The following RIMS4 variants were observed in gnomAD, a reference collection of about 807,000 sequenced individuals.
The protein encoded by RIMS4 is regulating synaptic membrane exocytosis protein 4.
RIMS4 carries 9 observed loss-of-function variants against 29.0 expected under a neutral mutation model. The observed-to-expected ratio is 0.31, with a 90% confidence interval of 0.19 to 0.54. The LOEUF is 0.54. RIMS4 is among the 20% of genes least tolerant of loss of function. RIMS4 has a pLI of 0.94. For synonymous variants in RIMS4, 130 were observed against 152.9 expected, an observed-to-expected ratio of 0.85 and a Z score of 1.10; for missense variants, 193 against 365.7, an observed-to-expected ratio of 0.53 and a Z score of 3.85.
At chr20:44,757,912 T>C in intron 3 of RIMS4, 141 bp from the exon 4 acceptor site, 1 of 947,998 alleles carries the variant, frequency 1.1e-6, no homozygotes, top group Non-Finnish European at 1.6e-6. Context: ...TCCCACCAAG[T>C]GCCTAGGCTC....
intron 2 of RIMS4, among the ~76,000 whole-genome samples, chr20:44,764,169 TCCATCCATCCATCCATCCA>T (rs2066101273): frequency 4.5e-4 from 2 of 4,412 alleles, no homozygotes; most frequent in South Asian, 8.2e-3. Context: ...CATCCATCCA[TCCATCCATCCATCCATCCA>T]TTTATCCATC....
chr20:44,796,621 C>T (rs1291291265), intron 1 of RIMS4, among the ~76,000 whole-genome samples: 1 of 152,196 alleles, frequency 6.6e-6, no homozygotes, highest in Non-Finnish European at 1.5e-5. Context: ...ACCACAGGGG[C>T]TCCCAGGAAT....
At chr20:44,772,873 G>A (rs921829197) in intron 1 of RIMS4, among the ~76,000 whole-genome samples, 3 of 152,078 alleles carry the variant, frequency 2.0e-5, no homozygotes, top group African/African-American at 4.8e-5. Context: ...AGCTCCCGCC[G>A]GCCTTCTCCT....
chr20:44,756,028 G>C lies in RIMS4; in HGVS notation c.*106C>G, dbSNP rs1006664654. On this transcript the variant is annotated 3_prime_UTR_variant, in exon 6 of 6. Transcript: ENST00000372851. This position sits in a 1 kb window ranked among gnomAD's most constrained non-coding sequence, Gnocchi z 5.9. ...TCTCCCCGTTCTGCTTCCCCACTGT[G>C]GGGGAGAGCCCCGTCCTCCTGTTCA... 5 of 903,880 alleles carry C rather than the reference G, an allele frequency of 5.5e-6. No individual in the cohort carries two copies. The highest frequency in any genetic ancestry group is 5.0e-5 in the African/African-American group (3 of 59,972). 56.0% of individuals were successfully genotyped at this position (903,880 alleles called of 1,614,324 possible).
intron 1 of RIMS4, among the ~76,000 whole-genome samples, chr20:44,802,168 GC>G: frequency 6.6e-6 from 1 of 152,298 alleles, no homozygotes; most frequent in East Asian, 1.9e-4. Context: ...GACAACTGCA[GC>G]TGCTACCAAT....
chr20:44,798,496 T>A (rs1207855897), intron 1 of RIMS4, among the ~76,000 whole-genome samples: 2 of 152,110 alleles, frequency 1.3e-5, no homozygotes, highest in Non-Finnish European at 2.9e-5. Context: ...CTCTCCCCAC[T>A]CTGTAGTCAG....
At chr20:44,770,208 G>A (rs1385437868) in intron 2 of RIMS4, among the ~76,000 whole-genome samples, 1 of 152,138 alleles carries the variant, frequency 6.6e-6, no homozygotes, top group Non-Finnish European at 1.5e-5. Context: ...GCAGTGCTGG[G>A]AAATAACCCC....
chr20:44,773,456 T>C (rs928414411), intron 1 of RIMS4, among the ~76,000 whole-genome samples: 2 of 151,968 alleles, frequency 1.3e-5, no homozygotes, highest in African/African-American at 4.8e-5. Flanking sequence ...CACAGCACTG[T>C]ACATATGTCC....
chr20:44,769,017 T>C (rs1337475852), intron 2 of RIMS4, among the ~76,000 whole-genome samples: 3 of 152,312 alleles, frequency 2.0e-5, no homozygotes, highest in South Asian at 2.1e-4. Context: ...CCCCTTTCTA[T>C]AGATGAAGAA....
At chr20:44,761,892 GACTGAAAGGTA>G (rs1167646891) in intron 2 of RIMS4, among the ~76,000 whole-genome samples, 1 of 152,184 alleles carries the variant, frequency 6.6e-6, no homozygotes, top group Non-Finnish European at 1.5e-5. Context: ...AGTGTCTGGG[GACTGAAAGGTA>G]TACCCACTAT....
chr20:44,797,322 AAC>A (rs1265865340), intron 1 of RIMS4, among the ~76,000 whole-genome samples: 1 of 152,220 alleles, frequency 6.6e-6, no homozygotes, highest in Non-Finnish European at 1.5e-5. Flanking sequence ...GAGCAGTTAC[AAC>A]AGAGACTGTA....
intron 1 of RIMS4, among the ~76,000 whole-genome samples, chr20:44,799,648 G>T (rs1175554408): frequency 6.6e-6 from 1 of 152,178 alleles, no homozygotes; most frequent in Non-Finnish European, 1.5e-5. Context: ...TCCAGGTGGC[G>T]TTCACTAGGG....
chr20:44,777,923 C>G (rs1327201139), intron 1 of RIMS4, among the ~76,000 whole-genome samples: 1 of 152,178 alleles, frequency 6.6e-6, no homozygotes, highest in Non-Finnish European at 1.5e-5. Flanking sequence ...CGAAAGGCAC[C>G]AAGGCCCCTG....
In RIMS4 at chr20:44,756,898, C is replaced by G. The variant is rs2066063089; in HGVS notation, c.591G>C (p.Gln197His). ...FPESPQGKVL[Q>H]VIVWGNYGRM... ...ACGTGAGCGCGTCAATGCCCCTCAC[C>G]TGGAGGACTTTGCCCTGGGGACTCT... Residue 197 changes from glutamine (Q) to histidine (H), a missense_variant and splice_region_variant, in exon 5 of 6, where the codon CAG becomes CAC. By Grantham distance (24) the Gln-to-His change is conservative (BLOSUM62 0). Transcript: ENST00000372851. The surrounding 1 kb of genome is among the most constrained non-coding windows in gnomAD (Gnocchi z 5.9). 6.2e-7 allele frequency: 1 copy of G among 1,613,668 alleles called. No homozygotes were observed. Among genetic ancestry groups the G allele is most frequent in the Non-Finnish European group, 8.5e-7 (1 of 1,179,820 alleles).
chr20:44,808,489 C>T (rs569389562), intron 1 of RIMS4, among the ~76,000 whole-genome samples: 1 of 152,312 alleles, frequency 6.6e-6, no homozygotes, highest in Non-Finnish European at 1.5e-5. Flanking sequence ...CTGCTGACCA[C>T]TCTACTGTGT....
chr20:44,758,881 G>A (rs892543135), intron 2 of RIMS4, among the ~76,000 whole-genome samples: 4 of 152,234 alleles, frequency 2.6e-5, no homozygotes, highest in East Asian at 1.9e-4. Context: ...TCTGGATCCC[G>A]AGAATGAAAC....
chr20:44,799,933 C>T (rs2066270548), intron 1 of RIMS4, among the ~76,000 whole-genome samples: 1 of 152,190 alleles, frequency 6.6e-6, no homozygotes, highest in African/African-American at 2.4e-5. Context: ...ACCAGGCTCT[C>T]TACCAATATT....
rs1215286583 is a variant in RIMS4 at position 44,803,500 on chromosome 20, C to G, written c.97+6675G>C. Among the ~76,000 whole-genome samples the G allele has an allele frequency of 2.0e-5, 3 of 152,314 alleles. No homozygotes were observed. The East Asian group carries it at 5.8e-4, about 29-fold the overall frequency. On this transcript the variant is annotated intron_variant, in intron 1 of 5. Transcript: ENST00000372851. ...CCTGGCAGCAGCTGCCCTCTCGCCACCCCCATCCACATCCCTGCCCAGCCA... is the reference window on the plus strand; with the variant it reads ...CCTGGCAGCAGCTGCCCTCTCGCCAGCCCCATCCACATCCCTGCCCAGCCA...
At chr20:44,781,980 C>CA (rs2066186482) in intron 1 of RIMS4, among the ~76,000 whole-genome samples, 1 of 152,154 alleles carries the variant, frequency 6.6e-6, no homozygotes, top group Non-Finnish European at 1.5e-5. Flanking sequence ...CATCATTCAC[C>CA]AAATACAGCC....
Sources: gnomAD v4.1 joint callset for allele counts (sites outside exome capture counted in the v4.1 genomes callset) on GRCh38, gnomAD v4.1.1 for gene constraint, Gnocchi (gnomAD v3.1) non-coding constraint, MANE v1.5 for transcripts, NCBI Gene and HGNC (gene_info 2026-07-23, HGNC 2026-07-21) for gene names.